FAR2: variants seen among roughly 807,000 people sequenced by gnomAD.
FAR2 encodes the protein epididymis secretory protein Li 81.
Under a neutral mutation model 56.0 loss-of-function variants are expected in FAR2, and 19 were observed. The observed-to-expected ratio is 0.34, with a 90% CI of 0.24 to 0.50. The LOEUF (loss-of-function observed/expected upper bound fraction) is 0.50, where lower values mean the gene tolerates loss of function less well. Ranked by LOEUF, FAR2 falls within the 20% of genes least tolerant of loss-of-function variation. The pLI, the probability that FAR2 is intolerant of heterozygous loss-of-function variation, is 0.98. For synonymous variants in FAR2, 219 were observed against 218.8 expected, an observed-to-expected ratio of 1.00 and a Z score of -0.01; for missense variants, 508 against 642.2, an observed-to-expected ratio of 0.79 and a Z score of 2.26.
chr12:29,333,302 T>C (rs755834583), intron 11 of FAR2: 208 of 260,304 alleles, frequency 8.0e-4, no homozygotes, highest in Non-Finnish European at 2.1e-4. Context: ...ACTTTAGAAT[T>C]TACCTTCTAA....
chr12:29,261,421 A>T (rs1246722336), intron 1 of FAR2, among the ~76,000 whole-genome samples: 1 of 152,200 alleles, frequency 6.6e-6, no homozygotes, highest in East Asian at 1.9e-4. Flanking sequence ...AGAATGAAGC[A>T]TGCCTACAAG....
At chr12:29,249,663 A>G (rs1948177782) in intron 1 of FAR2, among the ~76,000 whole-genome samples, 1 of 152,184 alleles carries the variant, frequency 6.6e-6, no homozygotes, top group African/African-American at 2.4e-5. Flanking sequence ...CCTGAACTGG[A>G]GTCATGCTCT....
At chr12:29,169,015 T>C (rs1053039748) in intron 1 of FAR2, among the ~76,000 whole-genome samples, 5 of 152,178 alleles carry the variant, frequency 3.3e-5, no homozygotes, top group Admixed American at 1.3e-4. Flanking sequence ...AGCACTGATT[T>C]GGTGCGTTTT....
At chr12:29,162,623 C>G (rs998580888) in intron 1 of FAR2, among the ~76,000 whole-genome samples, 45 of 152,038 alleles carry the variant, frequency 3.0e-4, no homozygotes, top group African/African-American at 1.1e-3. Flanking sequence ...AATTTGGATC[C>G]TAGACATAAG....
At chr12:29,299,943 T>C (rs1230429389) in intron 4 of FAR2, among the ~76,000 whole-genome samples, 2 of 152,232 alleles carry the variant, frequency 1.3e-5, no homozygotes, top group African/African-American at 2.4e-5. Flanking sequence ...GCTGTATTAT[T>C]GCTTGTAACA....
chr12:29,232,587 G>A (rs1053168209), intron 1 of FAR2, among the ~76,000 whole-genome samples: 2 of 152,014 alleles, frequency 1.3e-5, no homozygotes, highest in Non-Finnish European at 2.9e-5. Context: ...TGTCAAGAGG[G>A]TGTTCAGCAT....
intron 1 of FAR2, among the ~76,000 whole-genome samples, chr12:29,253,768 C>A (rs1340404572): frequency 5.3e-5 from 8 of 152,118 alleles, no homozygotes; most frequent in Non-Finnish European, 1.2e-4. Flanking sequence ...TTACCTTTTA[C>A]AAACAATATT....
chr12:29,195,304 AC>A (rs1219267626), intron 1 of FAR2, among the ~76,000 whole-genome samples: 1 of 152,198 alleles, frequency 6.6e-6, no homozygotes, highest in East Asian at 1.9e-4. Flanking sequence ...ACTACTATCT[AC>A]CATCTACAAT....
chr12:29,210,947 A>AAAC (rs1555109231), intron 1 of FAR2, among the ~76,000 whole-genome samples: 220 of 1,668 alleles, frequency 0.13, 1 homozygote, highest in Middle Eastern at 0.5. Flanking sequence ...TCTTAAAAAC[A>AAAC]AAAAAAAAAC....
intron 1 of FAR2, among the ~76,000 whole-genome samples, chr12:29,250,960 G>A (rs529839510): frequency 1.3e-5 from 2 of 152,272 alleles, no homozygotes; most frequent in South Asian, 2.1e-4. Flanking sequence ...GGTGGCAGGG[G>A]CCAAGTAGTG....
chr12:29,259,259 A>G lies in FAR2; in HGVS notation c.-38-11153A>G, dbSNP rs146827899. On this transcript the variant is annotated intron_variant, in intron 1 of 11. Transcript: ENST00000536681. ...GTGGGTGTAGTAATTTTTCGCATCT[A>G]ATGAAGGAAGGCCGGGGATGCTGCT... 6.6e-5 allele frequency among the ~76,000 whole-genome samples: 10 copies of G among 152,244 alleles called. No homozygotes were observed. The East Asian group carries it at 1.7e-3, about 27-fold the overall frequency.
intron 1 of FAR2, among the ~76,000 whole-genome samples, chr12:29,242,621 C>A (rs1948055849): frequency 6.6e-6 from 1 of 152,156 alleles, no homozygotes; most frequent in African/African-American, 2.4e-5. Flanking sequence ...CTCAGTATCG[C>A]CTTAAACTCT....
intron 10 of FAR2, among the ~76,000 whole-genome samples, chr12:29,329,462 A>T (rs1480597423): frequency 6.6e-6 from 1 of 152,238 alleles, no homozygotes; most frequent in Non-Finnish European, 1.5e-5. Flanking sequence ...AAGTAATAGT[A>T]CTAAATGTAA....
At chr12:29,253,235 A>AGATATCTATATATCGATATC (rs1948247803) in intron 1 of FAR2, among the ~76,000 whole-genome samples, 1 of 98,452 alleles carries the variant, frequency 1.0e-5, no homozygotes, top group African/African-American at 4.9e-5. Flanking sequence ...CTATCTAGAT[A>AGATATCTATATATCGATATC]GATATCTATA....
intron 10 of FAR2, among the ~76,000 whole-genome samples, chr12:29,330,288 C>G (rs945777422): frequency 1.3e-5 from 2 of 152,166 alleles, no homozygotes; most frequent in Non-Finnish European, 2.9e-5. Context: ...AACTCCTGAC[C>G]TCAGGTGATC....
chr12:29,299,412 C>G (rs1021307843), intron 4 of FAR2, among the ~76,000 whole-genome samples: 1 of 152,092 alleles, frequency 6.6e-6, no homozygotes, highest in African/African-American at 2.4e-5. Context: ...TCAGCACTTT[C>G]CATCCTCCCT....
At chr12:29,304,405 A>G (rs963176589) in intron 4 of FAR2, among the ~76,000 whole-genome samples, 2 of 152,192 alleles carry the variant, frequency 1.3e-5, no homozygotes, top group African/African-American at 4.8e-5. Flanking sequence ...CAGTGGGGAG[A>G]CAGACACATA....
intron 4 of FAR2, among the ~76,000 whole-genome samples, chr12:29,298,494 T>C (rs1200321376): frequency 6.6e-6 from 1 of 152,170 alleles, no homozygotes; most frequent in Non-Finnish European, 1.5e-5. Context: ...AGAATAGATA[T>C]TTTTGTCTGT....
intron 1 of FAR2, among the ~76,000 whole-genome samples, chr12:29,181,906 T>G (rs1712248342): frequency 6.6e-6 from 1 of 152,124 alleles, no homozygotes; most frequent in African/African-American, 2.4e-5. Context: ...TGAGTATAAA[T>G]GGAGGTTAAA....
Sources: allele counts gnomAD v4.1 joint callset (sites outside exome capture counted in the v4.1 genomes callset), GRCh38; gene constraint gnomAD v4.1.1; transcripts MANE v1.5; gene names NCBI Gene and HGNC (gene_info 2026-07-23, HGNC 2026-07-21).